The following NEBL variants were observed in gnomAD, a reference collection of about 807,000 sequenced individuals.
NEBL encodes the protein nebulette.
Under a neutral mutation model 140.2 loss-of-function variants are expected in NEBL, and 122 were observed. The ratio of observed to expected loss-of-function variants is 0.87; its 90% CI spans 0.75 to 1.01. The LOEUF is 1.01. Among genes scored for constraint, NEBL ranks in the 50% least tolerant of loss-of-function variants. The pLI, the probability that NEBL is intolerant of heterozygous loss-of-function variation, is 0.00. For missense variants in NEBL, 1,365 were observed against 1,231.3 expected, an observed-to-expected ratio of 1.11 and a Z score of -1.62; for synonymous variants, 436 against 398.9, an observed-to-expected ratio of 1.09 and a Z score of -1.11.
At chr10:20,818,343 C>A (rs774971446) in intron 20 of NEBL, among the ~76,000 whole-genome samples, 1 of 152,096 alleles carries the variant, frequency 6.6e-6, no homozygotes, top group Admixed American at 6.5e-5. Context: ...CCTCTGACCT[C>A]CCCAAGACTC....
intron 16 of NEBL, 36 bp from the exon 17 acceptor site, chr10:20,828,670 AT>A (rs1840115640): frequency 7.4e-7 from 1 of 1,359,272 alleles, no homozygotes; most frequent in Non-Finnish European, 1.0e-6. Context: ...ATCTGAAACT[AT>A]GTGTGTGCGC....
At chr10:21,240,118 T>G (rs1279175956) in intron 3 of NEBL, among the ~76,000 whole-genome samples, 1 of 152,180 alleles carries the variant, frequency 6.6e-6, no homozygotes. Flanking sequence ...TAACAACCTG[T>G]ACATAGCTGG....
At chr10:20,857,245 C>A (rs933061032) in intron 9 of NEBL, among the ~76,000 whole-genome samples, 1 of 152,198 alleles carries the variant, frequency 6.6e-6, no homozygotes, top group African/African-American at 2.4e-5. Flanking sequence ...ACATACATTT[C>A]AAAACACTGA....
chr10:20,833,140 G>T (rs1471636463), intron 14 of NEBL, among the ~76,000 whole-genome samples: 1 of 152,168 alleles, frequency 6.6e-6, no homozygotes, highest in African/African-American at 2.4e-5. Context: ...TTTGTTGTCT[G>T]CATAACAAAA....
Position 20,930,811 on chromosome 10 carries a change from CA to C in NEBL, c.357+30860del, listed in dbSNP as rs548456619. 5.3e-4 allele frequency among the ~76,000 whole-genome samples: 80 copies of C among 152,302 alleles called. 1 individual carries two copies. The highest frequency in any genetic ancestry group is 1.9e-3 in the African/African-American group (78 of 41,560). ...CACAGGAGCATGGAGATCCAGGACC[CA>C]AATCCCATACCATAAGGTTTGCCTA... On this transcript the variant is annotated intron_variant, in intron 4 of 6. Coordinates refer to the NEBL transcript ENST00000417816.
intron 3 of NEBL, among the ~76,000 whole-genome samples, chr10:20,889,388 C>T (rs1319509655): frequency 1.3e-5 from 2 of 152,098 alleles, no homozygotes; most frequent in African/African-American, 2.4e-5. Flanking sequence ...TTATCCTACT[C>T]CAAAATAGTT....
chr10:20,835,295 A>G (rs1840760777), intron 14 of NEBL, among the ~76,000 whole-genome samples: 2 of 152,208 alleles, frequency 1.3e-5, no homozygotes, highest in African/African-American at 4.8e-5. Flanking sequence ...TTCAATTAAA[A>G]TGCCTTCCAC....
At chr10:20,991,111 T>C (rs1790935262) in intron 3 of NEBL, among the ~76,000 whole-genome samples, 1 of 152,220 alleles carries the variant, frequency 6.6e-6, no homozygotes, top group African/African-American at 2.4e-5. Context: ...AAGTATGAGA[T>C]ATTTCCACAT....
In NEBL at chr10:20,831,227, C is replaced by T. The variant is rs747238199; in HGVS notation, c.1640G>A (p.Arg547Gln). The stretch of plus-strand genomic sequence containing the variant: ...ATAGATTTCAGATGTCCTCTTGGCT[C>T]GAAGGATATCTGGGATATCCATGCT... ...QVSMDIPDIL[R>Q]AKRTSEIYSQ... Residue 547 changes from arginine to glutamine, a missense_variant, in exon 16 of 28, where the codon CGA (arginine) becomes CAA (glutamine). Around this residue, in one of 2 missense-constraint regions of NEBL, gnomAD observed 1,323 missense variants for 1,154.8 expected, o/e 1.15. Coordinates refer to ENST00000377122, the MANE Select transcript of NEBL (RefSeq NM_006393.3). 30 of 1,613,238 alleles carry T rather than the reference C, an allele frequency of 1.9e-5. No individual in the cohort carries two copies. Among genetic ancestry groups the T allele is most frequent in the East Asian group, 2.2e-5 (1 of 44,864 alleles).
chr10:20,961,665 C>G, intron 4 of NEBL: 3 of 1,580,354 alleles, frequency 1.9e-6, no homozygotes, highest in Non-Finnish European at 2.6e-6. Flanking sequence ...AATAAACAGG[C>G]ACCTACATTA....
At chr10:20,829,791 T>C (rs1247426530) in intron 16 of NEBL, among the ~76,000 whole-genome samples, 1 of 152,116 alleles carries the variant, frequency 6.6e-6, no homozygotes, top group Non-Finnish European at 1.5e-5. Flanking sequence ...TCACTCTCAA[T>C]ACTTTTACTT....
chr10:21,004,487 G>A (rs787802), intron 3 of NEBL, among the ~76,000 whole-genome samples: 2 of 152,118 alleles, frequency 1.3e-5, no homozygotes, highest in Admixed American at 6.5e-5. Context: ...TTCGGAGGCC[G>A]AGGCGGGCAG....
chr10:21,248,369 T>G (rs1398922010), intron 2 of NEBL, among the ~76,000 whole-genome samples: 1 of 151,752 alleles, frequency 6.6e-6, no homozygotes, highest in Non-Finnish European at 1.5e-5. Flanking sequence ...AAAAAAAAAA[T>G]TACCTTGCAG....
At chr10:21,278,871 C>T (rs547394649) in intron 1 of NEBL, among the ~76,000 whole-genome samples, 4 of 152,156 alleles carry the variant, frequency 2.6e-5, no homozygotes, top group Non-Finnish European at 4.4e-5. Context: ...GTCCACCACA[C>T]TGGCTGCTTC....
chr10:20,815,947 T>C, intron 21 of NEBL: 2 of 486,652 alleles, frequency 4.1e-6, no homozygotes, highest in Admixed American at 6.6e-5. Context: ...TTTTGTATTT[T>C]TGTAGAGATT....
intron 2 of NEBL, among the ~76,000 whole-genome samples, chr10:21,144,521 T>A (rs1467724636): frequency 6.6e-6 from 1 of 150,970 alleles, no homozygotes; most frequent in Non-Finnish European, 1.5e-5. Context: ...AAGTCAGGAG[T>A]TCAAGACCAG....
chr10:21,045,897 G>T (rs779289410), intron 2 of NEBL, among the ~76,000 whole-genome samples: 1 of 152,156 alleles, frequency 6.6e-6, no homozygotes, highest in Non-Finnish European at 1.5e-5. Flanking sequence ...AAAACAGTAT[G>T]TCAAAAAGAT....
chr10:20,905,797 G>A (rs944001871), intron 4 of NEBL, among the ~76,000 whole-genome samples: 1 of 152,168 alleles, frequency 6.6e-6, no homozygotes, highest in Non-Finnish European at 1.5e-5. Context: ...GGAAGGAGAG[G>A]AGCTGAGGAC....
chr10:20,955,016 G>C (rs914327288), intron 4 of NEBL, among the ~76,000 whole-genome samples: 3 of 152,218 alleles, frequency 2.0e-5, no homozygotes, highest in East Asian at 3.8e-4. Context: ...AGACTTAACA[G>C]ATTTTAAAAG....
Sources: allele counts gnomAD v4.1 joint callset (sites outside exome capture counted in the v4.1 genomes callset), GRCh38; gene constraint gnomAD v4.1.1; regional missense constraint gnomAD v4.1.1; transcripts MANE v1.5; gene names NCBI Gene and HGNC (gene_info 2026-07-23, HGNC 2026-07-21).